YWHAQ: variants seen among roughly 807,000 people sequenced by gnomAD.
YWHAQ encodes tyrosine 3-monooxygenase/tryptophan 5-monooxygenase activation protein theta.
In YWHAQ, 6 loss-of-function variants were observed where a neutral mutation model predicts 28.3. The ratio of observed to expected loss-of-function variants is 0.21; its 90% CI spans 0.12 to 0.42. The LOEUF is 0.42. Among genes scored for constraint, YWHAQ ranks in the 10% least tolerant of loss-of-function variants. YWHAQ has a pLI of 1.00. For synonymous variants in YWHAQ, 143 were observed against 119.1 expected (o/e 1.20, Z -1.31); for missense variants, 201 against 305.6 (o/e 0.66, Z 2.55).
intron 2 of YWHAQ, among the ~76,000 whole-genome samples, chr2:9,622,607 T>C (rs1473764824): frequency 6.6e-6 from 1 of 152,180 alleles, no homozygotes; most frequent in East Asian, 1.9e-4. Flanking sequence ...AGGAAAAACT[T>C]ATAATAGGGA....
chr2:9,585,429 CAAGA>C, intron 5 of YWHAQ, 84 bp from the exon 6 acceptor site: 1 of 1,460,308 alleles, frequency 6.8e-7, no homozygotes, highest in Non-Finnish European at 9.5e-7. Flanking sequence ...AAATTAACTA[CAAGA>C]GTAGTAAATT....
At chr2:9,590,475 AG>A (rs1666434223) in intron 3 of YWHAQ, among the ~76,000 whole-genome samples, 1 of 152,204 alleles carries the variant, frequency 6.6e-6, no homozygotes, top group South Asian at 2.1e-4. Flanking sequence ...CTTTGTAGAC[AG>A]GGCAAAATTA....
chr2:9,596,170 T>G (rs1456508628), intron 2 of YWHAQ, among the ~76,000 whole-genome samples: 1 of 151,908 alleles, frequency 6.6e-6, no homozygotes, highest in African/African-American at 2.4e-5. Flanking sequence ...TGTTGAGAAA[T>G]AATATTAATG....
Position 9,587,617 on chromosome 2 carries a change from A to G in YWHAQ, c.583-108T>C, listed in dbSNP as rs936385889. On this transcript the variant is annotated intron_variant, in intron 4 of 5. Transcript: ENST00000238081. ...TAAGTGAACACCCACCTTATGTTCTACCATCAACAAACTCAACAGAACCAT... is the reference window on the plus strand; with the variant it reads ...TAAGTGAACACCCACCTTATGTTCTGCCATCAACAAACTCAACAGAACCAT... 20 of 908,560 alleles carry G rather than the reference A, an allele frequency of 2.2e-5. No individual in the cohort carries two copies. The African/African-American group carries it at 3.2e-4, about 14-fold the overall frequency. The allele number at this position is 908,560 out of a possible 1,614,324, so 56.3% of individuals were successfully genotyped here.
chr2:9,592,249 C>T (rs1459286416), intron 2 of YWHAQ, among the ~76,000 whole-genome samples: 2 of 152,046 alleles, frequency 1.3e-5, no homozygotes, highest in East Asian at 3.8e-4. Context: ...TTTAGGTCTA[C>T]GAAATCTAAT....
In YWHAQ at chr2:9,603,211, T is replaced by C. The variant is rs151327438; in HGVS notation, c.295-11696A>G. Among the ~76,000 whole-genome samples, 77 of 151,392 alleles carry C rather than the reference T, an allele frequency of 5.1e-4. 1 individual carries two copies. In the East Asian group the frequency reaches 0.013, roughly 25 times the overall value. On this transcript the variant is annotated intron_variant, in intron 2 of 5. Transcript: ENST00000238081. ...AATACAGACTTACAATCTGTTCAAA[T>C]ATCATGAATGGCCTGACCAGTCAAG...
chr2:9,586,223 G>C (rs1169687725), intron 5 of YWHAQ, among the ~76,000 whole-genome samples: 1 of 152,164 alleles, frequency 6.6e-6, no homozygotes, highest in African/African-American at 2.4e-5. Context: ...CAGGGTTCTT[G>C]AATTAGACAG....
chr2:9,630,260 T>C lies in YWHAQ; in HGVS notation c.193A>G (p.Ile65Val). The C allele has an allele frequency of 6.2e-7, 1 of 1,614,176 alleles. No homozygotes were observed. Among genetic ancestry groups the C allele is most frequent in the Non-Finnish European group, 8.5e-7 (1 of 1,180,042 alleles). The change falls in exon 2 of 6, where the codon ATC (isoleucine) becomes GTC (valine). Residue 65 changes from isoleucine (I) to valine (V), a missense_variant. Transcript: ENST00000238081. The surrounding 1 kb of genome is among the most constrained non-coding windows in gnomAD (Gnocchi z 5.6). ...TCGGAGGTGTCGGTCTTCTGCTCGA[T>C]GCTAGAGATGACCCTCCAGGCGGAC... ...RRSAWRVISS[I>V]EQKTDTSDKK... is the part of the protein sequence containing the mutation.
At position 9,630,468 on chromosome 2, in the gene YWHAQ, G is replaced by GGGGCCC; in HGVS notation, c.-17_-16insGGGCCC. On this transcript the variant is annotated 5_prime_UTR_variant, in exon 2 of 6. Transcript: ENST00000238081. This position sits in a 1 kb window ranked among gnomAD's most constrained non-coding sequence, Gnocchi z 5.6. ...TCTTCTCCATGGCGGGCGCGGGGCC[G>GGGGCCC]GGGCCGGGGCGGAGGGCGAGGAGAG... 2 of 1,577,828 alleles carry GGGGCCC rather than the reference G, an allele frequency of 1.3e-6. No individual in the cohort carries two copies. The highest frequency in any genetic ancestry group is 1.7e-6 in the Non-Finnish European group (2 of 1,165,158).
intron 2 of YWHAQ, among the ~76,000 whole-genome samples, chr2:9,600,264 T>C (rs370314743): frequency 1.3e-5 from 2 of 152,350 alleles, no homozygotes; most frequent in East Asian, 3.9e-4. Flanking sequence ...AAGATGCCAT[T>C]AACACCGTTG....
chr2:9,594,590 A>T (rs1666529564), intron 2 of YWHAQ, among the ~76,000 whole-genome samples: 1 of 152,166 alleles, frequency 6.6e-6, no homozygotes, highest in Non-Finnish European at 1.5e-5. Flanking sequence ...CTCTAATGTA[A>T]AGTAAGATGC....
chr2:9,612,878 C>G (rs991602098), intron 2 of YWHAQ, among the ~76,000 whole-genome samples: 2 of 152,190 alleles, frequency 1.3e-5, no homozygotes, highest in Admixed American at 6.5e-5. Context: ...ACTACAGCCT[C>G]TTGTTGATTT....
At position 9,591,503 on chromosome 2, in the gene YWHAQ, T is replaced by C; in HGVS notation, c.307A>G (p.Lys103Glu). Residue 103 changes from lysine to glutamate, a missense_variant, in exon 3 of 6, where the codon AAA becomes GAA. Around this residue, in one of 2 missense-constraint regions of YWHAQ, gnomAD observed 162 missense variants for 213.9 expected, o/e 0.76. Transcript: ENST00000238081. ...TTAGTTGCATTGGCTATTAAATATT[T>C]ATCCAACAATTCCTGAAATAAATAA... is the stretch of plus-strand genomic sequence containing the variant. ...ICTTVLELLDKYLIANATNPE... is the reference protein window; with the variant it reads ...ICTTVLELLDEYLIANATNPE... 6.2e-7 allele frequency: 1 copy of C among 1,608,738 alleles called. No individual in the cohort carries two copies. Among genetic ancestry groups the C allele is most frequent in the Non-Finnish European group, 8.5e-7 (1 of 1,175,900 alleles).
chr2:9,594,072 T>C (rs1416934771), intron 2 of YWHAQ, among the ~76,000 whole-genome samples: 2 of 151,732 alleles, frequency 1.3e-5, no homozygotes, highest in East Asian at 1.9e-4. Context: ...AAGTCATGAG[T>C]ATCAAAATTG....
chr2:9,598,337 T>G (rs1239035879), intron 2 of YWHAQ, among the ~76,000 whole-genome samples: 8 of 152,100 alleles, frequency 5.3e-5, no homozygotes, highest in Non-Finnish European at 1.0e-4. Context: ...TATACTGGAG[T>G]AGTAAAGTGA....
At chr2:9,628,606 C>T (rs960390399) in intron 2 of YWHAQ, 2 of 152,218 alleles carry the variant, frequency 1.3e-5, no homozygotes, top group African/African-American at 2.4e-5. Flanking sequence ...ACATAGAAAA[C>T]CTTAACATAT....
In YWHAQ at chr2:9,617,918, C is replaced by A. The variant is rs570361054; in HGVS notation, c.294+12241G>T. Among the ~76,000 whole-genome samples, 12 of 151,018 alleles carry A rather than the reference C, an allele frequency of 7.9e-5. No individual in the cohort carries two copies. In the East Asian group the frequency reaches 1.7e-3, roughly 22 times the overall value. Reference sequence around the variant, plus strand: ...CTCCAGCTTGGGTGACAGAGTGAGACCCTCTGCCAAAAAAAAAAAAAAGTT... The same window carrying A: ...CTCCAGCTTGGGTGACAGAGTGAGAACCTCTGCCAAAAAAAAAAAAAAGTT... On this transcript the variant is annotated intron_variant, in intron 2 of 5. Coordinates refer to ENST00000238081, the MANE Select transcript of YWHAQ (RefSeq NM_006826.4).
At chr2:9,591,327 T>C (rs1408243413) in intron 3 of YWHAQ, 65 bp downstream of exon 3, 1 of 1,562,392 alleles carries the variant, frequency 6.4e-7, no homozygotes, top group Non-Finnish European at 8.7e-7. Flanking sequence ...ACTGTCATAG[T>C]GTCCCATTTA....
intron 2 of YWHAQ, among the ~76,000 whole-genome samples, chr2:9,608,201 A>C (rs1199871767): frequency 6.6e-6 from 1 of 152,218 alleles, no homozygotes; most frequent in African/African-American, 2.4e-5. Context: ...TACTAAAAAT[A>C]ATCTAAATGC....
Sources: allele counts gnomAD v4.1 joint callset (sites outside exome capture counted in the v4.1 genomes callset), GRCh38; gene constraint gnomAD v4.1.1; regional missense constraint gnomAD v4.1.1; non-coding constraint Gnocchi (gnomAD v3.1); transcripts MANE v1.5; gene names NCBI Gene and HGNC (gene_info 2026-07-23, HGNC 2026-07-21).